The following LDLRAD3 variants were observed in gnomAD, a reference collection of about 807,000 sequenced individuals.
LDLRAD3 encodes low density lipoprotein receptor class A domain containing 3.
A neutral mutation model predicts 29.4 loss-of-function variants in LDLRAD3; 20 were observed. The observed-to-expected ratio is 0.68, with a 90% CI of 0.48 to 0.99. The LOEUF is 0.99. Ranked by LOEUF, LDLRAD3 falls within the 50% of genes least tolerant of loss-of-function variation. The pLI is 0.00. For missense variants in LDLRAD3, 420 were observed against 454.3 expected (o/e 0.92, Z 0.69); for synonymous variants, 157 against 192.7 (o/e 0.81, Z 1.53).
At chr11:36,211,728 G>T (rs1855285910) in intron 4 of LDLRAD3, among the ~76,000 whole-genome samples, 1 of 152,164 alleles carries the variant, frequency 6.6e-6, no homozygotes, top group African/African-American at 2.4e-5. Context: ...ACTCCCACAA[G>T]TGAGGTTTTA....
intron 4 of LDLRAD3, among the ~76,000 whole-genome samples, chr11:36,102,430 C>T (rs901810015): frequency 6.6e-6 from 1 of 152,124 alleles, no homozygotes; most frequent in Non-Finnish European, 1.5e-5. Context: ...TAATTCTCTT[C>T]CAATTTGACT....
chr11:36,183,961 A>ATTTTT (rs1854805354), intron 4 of LDLRAD3: 1 of 276,836 alleles, frequency 3.6e-6, no homozygotes, highest in African/African-American at 2.9e-5. Flanking sequence ...AATATATTTC[A>ATTTTT]TCTTTTTTTT....
At chr11:35,996,190 G>A (rs1851752313) in intron 1 of LDLRAD3, among the ~76,000 whole-genome samples, 1 of 152,204 alleles carries the variant, frequency 6.6e-6, no homozygotes, top group Non-Finnish European at 1.5e-5. Context: ...TAAAGTGAGA[G>A]ATGTACAACG....
At chr11:36,041,199 G>C (rs2133214577) in intron 2 of LDLRAD3, among the ~76,000 whole-genome samples, 1 of 152,314 alleles carries the variant, frequency 6.6e-6, no homozygotes, top group Non-Finnish European at 1.5e-5. Context: ...TGATTATGAG[G>C]AGAGCTTATT....
intron 4 of LDLRAD3, among the ~76,000 whole-genome samples, chr11:36,107,381 A>G (rs995796189): frequency 2.0e-5 from 3 of 152,000 alleles, no homozygotes; most frequent in Non-Finnish European, 4.4e-5. Context: ...TTTTTAGTAG[A>G]GACGGGGTTT....
intron 1 of LDLRAD3, among the ~76,000 whole-genome samples, chr11:36,022,120 A>G (rs2133198375): frequency 6.6e-6 from 1 of 152,278 alleles, no homozygotes; most frequent in Middle Eastern, 3.4e-3. Flanking sequence ...TCGTTTCCTA[A>G]TAAACAGTTC....
chr11:36,139,849 CCT>C (rs1854055463), intron 4 of LDLRAD3, among the ~76,000 whole-genome samples: 1 of 152,162 alleles, frequency 6.6e-6, no homozygotes, highest in Non-Finnish European at 1.5e-5. Flanking sequence ...TAGGGGGCAA[CCT>C]CTCTTCCCCT....
chr11:36,083,127 C>T (rs1481953213), intron 3 of LDLRAD3, among the ~76,000 whole-genome samples: 1 of 152,212 alleles, frequency 6.6e-6, no homozygotes, highest in East Asian at 1.9e-4. Flanking sequence ...TATCAATATC[C>T]TCGGCCAGTG....
In LDLRAD3 at chr11:36,169,966, AC is replaced by A. The variant is rs1216549127; in HGVS notation, c.455-57116del. Among the ~76,000 whole-genome samples the A allele has an allele frequency of 2.6e-5, 4 of 152,156 alleles. No individual in the cohort carries two copies. The South Asian group carries it at 6.2e-4, about 24-fold the overall frequency. On this transcript the variant is annotated intron_variant, in intron 4 of 5. Transcript: ENST00000315571. The stretch of plus-strand genomic sequence containing the variant: ...TTTCTGAAATTCTGGTACACCTATC[AC>A]CCGAGCAATGTACACTGTACCCAAT...
chr11:36,175,969 T>C (rs1283461332), intron 4 of LDLRAD3, among the ~76,000 whole-genome samples: 3 of 152,222 alleles, frequency 2.0e-5, no homozygotes, highest in African/African-American at 7.2e-5. Context: ...GGTAATTGTT[T>C]TACAAACCTA....
At chr11:36,058,057 A>G (rs1399819000) in intron 2 of LDLRAD3, among the ~76,000 whole-genome samples, 1 of 152,176 alleles carries the variant, frequency 6.6e-6, no homozygotes, top group Non-Finnish European at 1.5e-5. Context: ...TCCTTTAATC[A>G]TTAGTAATAA....
intron 4 of LDLRAD3, among the ~76,000 whole-genome samples, chr11:36,175,769 A>G (rs1184522398): frequency 6.6e-6 from 1 of 152,230 alleles, no homozygotes; most frequent in South Asian, 2.1e-4. Context: ...ACTGATGAAT[A>G]GAATGTATAT....
chr11:36,069,676 T>C (rs1320872924), intron 2 of LDLRAD3, among the ~76,000 whole-genome samples: 1 of 152,110 alleles, frequency 6.6e-6, no homozygotes, highest in African/African-American at 2.4e-5. Flanking sequence ...CCAGGTACTT[T>C]TGCGTATATG....
chr11:36,158,339 G>T (rs1335327688), intron 4 of LDLRAD3, among the ~76,000 whole-genome samples: 1 of 152,034 alleles, frequency 6.6e-6, no homozygotes, highest in Non-Finnish European at 1.5e-5. Context: ...CTCACCCCAG[G>T]ATCTTTGCAC....
chr11:36,048,715 G>A (rs1423540606), intron 2 of LDLRAD3, among the ~76,000 whole-genome samples: 1 of 152,152 alleles, frequency 6.6e-6, no homozygotes, highest in Non-Finnish European at 1.5e-5. Flanking sequence ...AGGGGGACTT[G>A]GACGGCATCT....
chr11:36,209,239 A>G (rs943234591), intron 4 of LDLRAD3, among the ~76,000 whole-genome samples: 33 of 151,944 alleles, frequency 2.2e-4, no homozygotes, highest in African/African-American at 7.7e-4. Context: ...AATCAATTCT[A>G]TTAACTTAGT....
chr11:36,013,698 G>A (rs1851984066), intron 1 of LDLRAD3, among the ~76,000 whole-genome samples: 1 of 152,140 alleles, frequency 6.6e-6, no homozygotes, highest in African/African-American at 2.4e-5. Flanking sequence ...TTCTTTAGGA[G>A]TGATGTCTAT....
At chr11:36,049,327 G>T (rs1168268837) in intron 2 of LDLRAD3, among the ~76,000 whole-genome samples, 5 of 152,004 alleles carry the variant, frequency 3.3e-5, no homozygotes, top group African/African-American at 1.2e-4. Flanking sequence ...AACATAGCTA[G>T]TGTGCAGTTG....
At chr11:36,183,132 G>A (rs1349376507) in intron 4 of LDLRAD3, among the ~76,000 whole-genome samples, 1 of 152,220 alleles carries the variant, frequency 6.6e-6, no homozygotes, top group Non-Finnish European at 1.5e-5. Context: ...TAGACGGTGG[G>A]ATGGTGGGAA....
Sources: allele counts gnomAD v4.1 joint callset (sites outside exome capture counted in the v4.1 genomes callset), GRCh38; gene constraint gnomAD v4.1.1; transcripts MANE v1.5; gene names NCBI Gene and HGNC (gene_info 2026-07-23, HGNC 2026-07-21).